The following SLC25A48 variants were observed in gnomAD, a reference collection of about 807,000 sequenced individuals.
The protein encoded by SLC25A48 is solute carrier family 25 member 48.
A neutral mutation model predicts 32.2 loss-of-function variants in SLC25A48; 29 were observed. The ratio of observed to expected loss-of-function variants is 0.90; its 90% CI spans 0.67 to 1.23. The LOEUF is 1.23. SLC25A48 is among the 50% of genes most tolerant of loss of function. The probability of loss-of-function intolerance (pLI) is 0.00; values close to 1 mark genes in which losing one functional copy is unlikely to be tolerated. For missense variants in SLC25A48, 399 were observed against 422.7 expected (o/e 0.94, Z 0.49); for synonymous variants, 164 against 172.3 (o/e 0.95, Z 0.38).
chr5:135,765,322 T>TG (rs1390901838), intron 3 of SLC25A48, among the ~76,000 whole-genome samples: 2 of 149,324 alleles, frequency 1.3e-5, no homozygotes, highest in Non-Finnish European at 3.0e-5. Flanking sequence ...TTCCATATCG[T>TG]GGGGGGTGTG....
intron 3 of SLC25A48, among the ~76,000 whole-genome samples, chr5:135,753,217 C>A (rs1202589983): frequency 6.6e-6 from 1 of 152,006 alleles, no homozygotes; most frequent in Non-Finnish European, 1.5e-5. Flanking sequence ...TGTACACCCA[C>A]TGTGATATTA....
At chr5:135,638,731 C>T (rs771761800) in intron 3 of SLC25A48, among the ~76,000 whole-genome samples, 3 of 152,010 alleles carry the variant, frequency 2.0e-5, no homozygotes, top group Non-Finnish European at 4.4e-5. Context: ...ATTTAGATAC[C>T]AAATATAACG....
chr5:135,611,440 C>T (rs1339992834), intron 1 of SLC25A48, among the ~76,000 whole-genome samples: 1 of 120,572 alleles, frequency 8.3e-6, no homozygotes, highest in African/African-American at 3.2e-5. Context: ...GAGCTTGCAG[C>T]GAGCTGAGAT....
In SLC25A48 at chr5:135,646,629, A is replaced by AT. The variant is rs1752963973; in HGVS notation, c.-521+11674dup. On this transcript the variant is annotated intron_variant, in intron 3 of 10. Transcript: ENST00000646290. ...TATATATAATTTCCCATTTATGTAT[A>AT]TATATACGCATTTATAATATAATTT... 1.4e-5 allele frequency among the ~76,000 whole-genome samples: 2 copies of AT among 142,972 alleles called. 1 individual carries two copies. The highest frequency in any genetic ancestry group is 4.5e-4 in the South Asian group (2 of 4,426). 93.8% of individuals were successfully genotyped at this position (142,972 alleles called of 152,430 possible).
intron 4 of SLC25A48, among the ~76,000 whole-genome samples, chr5:135,864,085 G>T (rs1454031527): frequency 6.6e-6 from 1 of 152,162 alleles, no homozygotes; most frequent in Admixed American, 6.5e-5. Flanking sequence ...TTCTGGACAT[G>T]ACAAGAGCAG....
intron 6 of SLC25A48, 42 bp from the exon 7 acceptor site, chr5:135,879,926 G>A: frequency 2.6e-6 from 4 of 1,533,966 alleles, no homozygotes; most frequent in Non-Finnish European, 3.5e-6. Flanking sequence ...CCTGCAGAGA[G>A]TGTGGGTCAG....
chr5:135,733,393 G>A (rs1755279128), intron 3 of SLC25A48, among the ~76,000 whole-genome samples: 1 of 152,222 alleles, frequency 6.6e-6, no homozygotes, highest in African/African-American at 2.4e-5. Flanking sequence ...CTGGAATAAT[G>A]TGGGAGGCCG....
chr5:135,803,041 C>T (rs555977248), intron 3 of SLC25A48: 1 of 151,534 alleles, frequency 6.6e-6, no homozygotes, highest in East Asian at 1.9e-4. Context: ...AGAGCTATTA[C>T]TCTTAATATC....
At chr5:135,848,249 A>T (rs1759571019) in intron 2 of SLC25A48, among the ~76,000 whole-genome samples, 1 of 152,212 alleles carries the variant, frequency 6.6e-6, no homozygotes, top group South Asian at 2.1e-4. Flanking sequence ...CTTAGCAGGA[A>T]TTGATTACTT....
intron 1 of SLC25A48, among the ~76,000 whole-genome samples, chr5:135,591,361 C>T (rs1401207935): frequency 6.6e-6 from 1 of 152,188 alleles, no homozygotes; most frequent in Admixed American, 6.5e-5. Flanking sequence ...TAGAATAGTG[C>T]CTGGTGCATC....
chr5:135,720,132 T>C (rs1430011831), intron 3 of SLC25A48, among the ~76,000 whole-genome samples: 1 of 152,220 alleles, frequency 6.6e-6, no homozygotes, highest in East Asian at 1.9e-4. Flanking sequence ...CTCCTGCTCA[T>C]TGTAGCAGTG....
At chr5:135,816,979 T>C (rs569684577) in intron 4 of SLC25A48, among the ~76,000 whole-genome samples, 2 of 152,198 alleles carry the variant, frequency 1.3e-5, no homozygotes, top group Non-Finnish European at 2.9e-5. Context: ...ATTTAACATA[T>C]ATGAAACTGC....
chr5:135,609,579 G>A (rs1752018534), intron 1 of SLC25A48: 1 of 152,216 alleles, frequency 6.6e-6, no homozygotes, highest in Non-Finnish European at 1.5e-5. Flanking sequence ...CCAGACAGCT[G>A]TGTAGAGTTG....
intron 4 of SLC25A48, among the ~76,000 whole-genome samples, chr5:135,829,467 C>T (rs1052503065): frequency 3.9e-5 from 6 of 152,172 alleles, no homozygotes; most frequent in African/African-American, 7.2e-5. Context: ...AAGCTGATAT[C>T]GCCGCGGCCC....
intron 3 of SLC25A48, among the ~76,000 whole-genome samples, chr5:135,660,834 G>A (rs1029851630): frequency 2.6e-5 from 4 of 152,200 alleles, no homozygotes; most frequent in African/African-American, 7.2e-5. Context: ...ACAAGTCCCC[G>A]GGTGCTGCTG....
At chr5:135,602,133 C>T (rs1257152930) in intron 1 of SLC25A48, among the ~76,000 whole-genome samples, 1 of 152,124 alleles carries the variant, frequency 6.6e-6, no homozygotes. Context: ...TACAGTGAGC[C>T]TATAACATGG....
intron 3 of SLC25A48, among the ~76,000 whole-genome samples, chr5:135,799,559 T>C (rs1757271345): frequency 6.6e-6 from 1 of 151,328 alleles, no homozygotes; most frequent in African/African-American, 2.4e-5. Context: ...CCCTGTTGTA[T>C]TATTCCTAAT....
intron 1 of SLC25A48, among the ~76,000 whole-genome samples, chr5:135,840,336 A>G (rs1212405517): frequency 7.9e-5 from 12 of 152,246 alleles, no homozygotes; most frequent in African/African-American, 2.9e-4. Flanking sequence ...TAAAAGTGAG[A>G]CATAGAGAAG....
intron 3 of SLC25A48, among the ~76,000 whole-genome samples, chr5:135,795,936 G>T (rs980025304): frequency 6.7e-6 from 1 of 149,460 alleles, no homozygotes; most frequent in Non-Finnish European, 1.5e-5. Context: ...CATATCGTGG[G>T]GGGTGTACAC....
Sources: allele counts gnomAD v4.1 joint callset (sites outside exome capture counted in the v4.1 genomes callset), GRCh38; gene constraint gnomAD v4.1.1; transcripts MANE v1.5; gene names NCBI Gene and HGNC (gene_info 2026-07-23, HGNC 2026-07-21).